Variants in CSMD3 observed in about 807,000 individuals in gnomAD.
The protein encoded by CSMD3 is CUB and Sushi multiple domains 3, also known as CUB and sushi domain-containing protein 3.
CSMD3 carries 177 observed loss-of-function variants against 435.2 expected under a neutral mutation model. That is an observed-to-expected ratio of 0.41 (90% CI 0.36 to 0.46). The LOEUF is 0.46. Among genes scored for constraint, CSMD3 ranks in the 20% least tolerant of loss-of-function variants. CSMD3 has a pLI of 0.34. For missense variants in CSMD3, 4,265 were observed against 4,504.6 expected (o/e 0.95, Z 1.52); for synonymous variants, 1,656 against 1,520.5 (o/e 1.09, Z -2.07).
intron 22 of CSMD3, among the ~76,000 whole-genome samples, chr8:112,630,516 C>A (rs1193363198): frequency 6.6e-6 from 1 of 152,028 alleles, no homozygotes; most frequent in Non-Finnish European, 1.5e-5. Context: ...CAGGGTTCAA[C>A]ACAATGCCTG....
intron 6 of CSMD3, chr8:113,018,667 T>G: frequency 5.6e-6 from 1 of 179,618 alleles, no homozygotes; most frequent in South Asian, 1.2e-4. Context: ...ACAAGGTTAA[T>G]TAAACTAGCA....
chr8:112,661,862 T>A (rs1486159169), intron 17 of CSMD3, among the ~76,000 whole-genome samples: 1 of 151,912 alleles, frequency 6.6e-6, no homozygotes, highest in Non-Finnish European at 1.5e-5. Flanking sequence ...AAAGGCAAGA[T>A]CCATTCCTAC....
At chr8:113,414,389 A>C (rs1467423513) in intron 1 of CSMD3, among the ~76,000 whole-genome samples, 1 of 152,082 alleles carries the variant, frequency 6.6e-6, no homozygotes, top group Non-Finnish European at 1.5e-5. Flanking sequence ...TGTTCACATC[A>C]CTTCTAGCAC....
intron 3 of CSMD3, among the ~76,000 whole-genome samples, chr8:113,244,631 G>A (rs763402175): frequency 6.6e-6 from 1 of 151,982 alleles, no homozygotes; most frequent in Non-Finnish European, 1.5e-5. Context: ...ATTTTTTATG[G>A]TGTCAGCAGT....
chr8:112,447,922 T>C (rs978895276), intron 32 of CSMD3, among the ~76,000 whole-genome samples: 2 of 152,110 alleles, frequency 1.3e-5, no homozygotes, highest in African/African-American at 2.4e-5. Flanking sequence ...AAAGTGTAAG[T>C]TGAAGTCCCA....
chr8:113,163,357 C>A (rs1292210400), intron 4 of CSMD3, among the ~76,000 whole-genome samples: 1 of 151,824 alleles, frequency 6.6e-6, no homozygotes, highest in Non-Finnish European at 1.5e-5. Context: ...GCAACAAAAG[C>A]CATTTTAGAA....
At chr8:112,374,408 TTTAGGGCCACTGAC>T (rs1828746722) in intron 38 of CSMD3, among the ~76,000 whole-genome samples, 2 of 152,124 alleles carry the variant, frequency 1.3e-5, no homozygotes, top group Non-Finnish European at 2.9e-5. Context: ...ATAATTTTAA[TTTAGGGCCACTGAC>T]TTTGTTTAAA....
chr8:112,242,255 GTT>G (rs1256782769), intron 65 of CSMD3, among the ~76,000 whole-genome samples: 1 of 152,062 alleles, frequency 6.6e-6, no homozygotes, highest in East Asian at 1.9e-4. Flanking sequence ...AATCTTCCAG[GTT>G]TTAAACCAAA....
At chr8:112,514,281 G>T (rs924296244) in intron 28 of CSMD3, among the ~76,000 whole-genome samples, 1 of 152,064 alleles carries the variant, frequency 6.6e-6, no homozygotes, top group African/African-American at 2.4e-5. Context: ...ATTATCTGAC[G>T]TTTGTAAATC....
At chr8:113,071,137 A>G (rs2089097221) in intron 5 of CSMD3, among the ~76,000 whole-genome samples, 2 of 151,954 alleles carry the variant, frequency 1.3e-5, no homozygotes, top group Admixed American at 6.6e-5. Context: ...ATATCTGTTC[A>G]AGCGTTTTGC....
intron 27 of CSMD3, among the ~76,000 whole-genome samples, chr8:112,528,960 G>A (rs1413591753): frequency 1.3e-5 from 2 of 152,024 alleles, no homozygotes; most frequent in Non-Finnish European, 2.9e-5. Context: ...GGGGAAAACA[G>A]AGATGGAAGC....
chr8:113,363,755 T>C (rs1588603161), intron 1 of CSMD3, among the ~76,000 whole-genome samples: 1 of 152,176 alleles, frequency 6.6e-6, no homozygotes, highest in African/African-American at 2.4e-5. Context: ...CTTAATCATA[T>C]CTACAAAGAT....
At chr8:112,919,723 G>A (rs2082678463) in intron 10 of CSMD3, among the ~76,000 whole-genome samples, 1 of 151,786 alleles carries the variant, frequency 6.6e-6, no homozygotes, top group Non-Finnish European at 1.5e-5. Context: ...AAGGACACAA[G>A]AAATCAGCCT....
At chr8:112,365,669 T>C (rs533293518) in intron 38 of CSMD3, among the ~76,000 whole-genome samples, 2 of 152,126 alleles carry the variant, frequency 1.3e-5, no homozygotes, top group Non-Finnish European at 2.9e-5. Context: ...GGAAGAATGG[T>C]GAAATTCATT....
At chr8:112,845,614 A>G (rs2080296565) in intron 11 of CSMD3, among the ~76,000 whole-genome samples, 1 of 152,120 alleles carries the variant, frequency 6.6e-6, no homozygotes, top group South Asian at 2.1e-4. Context: ...AAAGCTATGC[A>G]GAACCATTTA....
chr8:112,807,481 A>G (rs2079117181), intron 12 of CSMD3, among the ~76,000 whole-genome samples: 1 of 142,280 alleles, frequency 7.0e-6, no homozygotes. Flanking sequence ...TGGAGTTGCA[A>G]TTCTTGATAG....
intron 1 of CSMD3, among the ~76,000 whole-genome samples, chr8:113,394,085 C>T (rs1418302727): frequency 1.3e-5 from 2 of 151,266 alleles, no homozygotes; most frequent in Non-Finnish European, 2.9e-5. Context: ...CCCCAAATAG[C>T]TTGTTGGCAA....
At chr8:113,373,276 G>A (rs1279205937) in intron 1 of CSMD3, among the ~76,000 whole-genome samples, 1 of 151,736 alleles carries the variant, frequency 6.6e-6, no homozygotes, top group Non-Finnish European at 1.5e-5. Flanking sequence ...TAAAATCTCT[G>A]CATTTATTTA....
chr8:112,689,150 T>C (rs2076077405), intron 14 of CSMD3, among the ~76,000 whole-genome samples: 1 of 152,066 alleles, frequency 6.6e-6, no homozygotes, highest in Non-Finnish European at 1.5e-5. Context: ...ACGTATGCAC[T>C]TTTCCTCTTC....
Sources: allele counts gnomAD v4.1 joint callset (sites outside exome capture counted in the v4.1 genomes callset), GRCh38; gene constraint gnomAD v4.1.1; transcripts MANE v1.5; gene names NCBI Gene and HGNC (gene_info 2026-07-23, HGNC 2026-07-21).